The following MECR variants were observed in gnomAD, a reference collection of about 807,000 sequenced individuals.
MECR encodes mitochondrial trans-2-enoyl-CoA reductase, also known as enoyl-[acyl-carrier-protein] reductase, mitochondrial.
Under a neutral mutation model 49.1 loss-of-function variants are expected in MECR, and 37 were observed. The ratio of observed to expected loss-of-function variants is 0.75; its 90% confidence interval spans 0.58 to 0.99. The LOEUF is 0.99. MECR is among the 50% of genes least tolerant of loss of function. The probability of loss-of-function intolerance (pLI) is 0.00; values close to 1 mark genes in which losing one functional copy is unlikely to be tolerated. For synonymous variants in MECR, 198 were observed against 191.1 expected (o/e 1.04, Z -0.30); for missense variants, 470 against 479.6 (o/e 0.98, Z 0.19).
the MECR span, chr1:29,181,628 C>A: frequency 6.4e-6 from 10 of 1,573,118 alleles, no homozygotes; most frequent in Non-Finnish European, 7.8e-6. Flanking sequence ...CGGCCGGACC[C>A]TCTTTCGCCC....
chr1:29,224,922 G>T (rs918503896), intron 1 of MECR: 1 of 152,268 alleles, frequency 6.6e-6, no homozygotes, highest in African/African-American at 2.4e-5. Flanking sequence ...AGAGCTGCTA[G>T]GAGAGGGCAA....
At chr1:29,170,000 C>T in the MECR span, 1 of 152,222 alleles carries the variant, frequency 6.6e-6, no homozygotes, top group Non-Finnish European at 1.5e-5. Context: ...CACTTTTACA[C>T]TGCAAATAGT....
chr1:29,195,980 C>T lies in MECR; in HGVS notation c.925G>A (p.Gly309Ser), dbSNP rs1442205925. Residue 309 changes from glycine to serine, a missense_variant, in exon 9 of 10, where the codon GGC (glycine) becomes AGC (serine). Coordinates refer to ENST00000263702, the MANE Select transcript of MECR (RefSeq NM_016011.5). ...TTCTTCCACTGGGACAACCAAAAGC[C>T]TCGAAGTTTGAGATCCTTAAAAATG... is the stretch of plus-strand genomic sequence containing the variant. ...LLIFKDLKLR[G>S]FWLSQWKKDH... 3.1e-6 allele frequency: 5 copies of T among 1,614,080 alleles called. No homozygotes were observed. In the African/African-American group the frequency reaches 6.7e-5, roughly 22 times the overall value.
rs1215343680 is a variant in MECR, at chr1:29,230,778, G to A, written c.129C>T (p.Val43=). 7.5e-6 allele frequency: 12 copies of A among 1,602,518 alleles called. No homozygotes were observed. Among genetic ancestry groups the A allele is most frequent in the Middle Eastern group, 1.7e-4 (1 of 6,036 alleles). ...CGTGGTGCCCATAGACAAGCGCCCG[G>A]ACCCGGGCAGGCTCGGCGGATGCGG... ...SYSASAEPAR[V]RALVYGHHGD... is the part of the protein sequence containing the mutation. Residue 43 remains valine, a synonymous_variant, in exon 1 of 10, where the codon GTC becomes GTT. Transcript: ENST00000263702.
rs1465594954 is a variant in MECR at position 29,206,881 on chromosome 1, A to G, written c.431T>C (p.Phe144Ser). The change falls in exon 4 of 10, where the codon TTC becomes TCC. Residue 144 changes from phenylalanine (F) to serine (S), a missense_variant. Transcript: ENST00000263702. ...AACTTGGATCAGTGCTTCCTCGCTG[A>G]ACACAGCCTCGGTCCGCCAGGTTCC... ...GLGTWRTEAV[F>S]SEEALIQVPS... 1.9e-6 allele frequency: 3 copies of G among 1,614,018 alleles called. No individual in the cohort carries two copies. In the African/African-American group the frequency reaches 4.0e-5, roughly 22 times the overall value.
At chr1:29,221,944 A>G (rs879682529) in intron 1 of MECR, among the ~76,000 whole-genome samples, 4 of 152,198 alleles carry the variant, frequency 2.6e-5, no homozygotes, top group Admixed American at 2.6e-4. Flanking sequence ...GGTATCACCC[A>G]AATTTAATGG....
chr1:29,217,152 A>G (rs1027645133), intron 1 of MECR, among the ~76,000 whole-genome samples: 22 of 143,258 alleles, frequency 1.5e-4, no homozygotes, highest in African/African-American at 5.0e-4. Context: ...AAAAAAAAAA[A>G]AGAAATCAAC....
chr1:29,218,058 T>A (rs1435034017), intron 1 of MECR, among the ~76,000 whole-genome samples: 1 of 151,588 alleles, frequency 6.6e-6, no homozygotes, highest in Non-Finnish European at 1.5e-5. Flanking sequence ...GGTTTGGACC[T>A]GATCCCCTCT....
intron 4 of MECR, among the ~76,000 whole-genome samples, chr1:29,205,387 T>C (rs1676331730): frequency 6.6e-6 from 1 of 151,530 alleles, no homozygotes; most frequent in African/African-American, 2.4e-5. Flanking sequence ...TTTCACCATG[T>C]TGGCCAGGCT....
At chr1:29,179,659 C>T in the MECR span, among the ~76,000 whole-genome samples, 1 of 152,208 alleles carries the variant, frequency 6.6e-6, no homozygotes, top group Non-Finnish European at 1.5e-5. Flanking sequence ...ATATACTATT[C>T]CCAGAAACCT....
the MECR span, among the ~76,000 whole-genome samples, chr1:29,179,652 T>C: frequency 6.6e-6 from 1 of 152,192 alleles, no homozygotes; most frequent in Non-Finnish European, 1.5e-5. Flanking sequence ...CTACGACATA[T>C]ACTATTCCCA....
At chr1:29,168,066 A>AGCGCAGCG in the MECR span, among the ~76,000 whole-genome samples, 2 of 148,670 alleles carry the variant, frequency 1.3e-5, no homozygotes, top group African/African-American at 5.0e-5. Flanking sequence ...CGCAGGCTGC[A>AGCGCAGCG]GCGCAGCGGC....
chr1:29,224,060 A>G (rs1021926142), intron 1 of MECR: 1 of 152,168 alleles, frequency 6.6e-6, no homozygotes, highest in African/African-American at 2.4e-5. Flanking sequence ...GGAAGTTTCT[A>G]CCCAGTTGGC....
the MECR span, among the ~76,000 whole-genome samples, chr1:29,174,904 C>T: frequency 6.6e-6 from 1 of 150,974 alleles, no homozygotes; most frequent in East Asian, 2.0e-4. Context: ...AATCTCTTGA[C>T]CTTGTGATCT....
At chr1:29,171,112 T>C in the MECR span, 1 of 152,144 alleles carries the variant, frequency 6.6e-6, no homozygotes, top group Non-Finnish European at 1.5e-5. Context: ...GAACATTTAC[T>C]TGTACAAATC....
chr1:29,187,910 G>A (rs1448928189), downstream of MECR, among the ~76,000 whole-genome samples: 16 of 148,576 alleles, frequency 1.1e-4, no homozygotes, highest in Admixed American at 2.0e-4. Flanking sequence ...GGTGGTGGGC[G>A]CCTGTAGTCC....
chr1:29,225,153 C>T (rs917164337), intron 1 of MECR, among the ~76,000 whole-genome samples: 5 of 152,196 alleles, frequency 3.3e-5, no homozygotes, highest in East Asian at 1.9e-4. Context: ...ATGTGGAATC[C>T]GCTTAAGCTT....
chr1:29,183,175 T>G, the MECR span, among the ~76,000 whole-genome samples: 6 of 152,216 alleles, frequency 3.9e-5, no homozygotes, highest in Non-Finnish European at 8.8e-5. Context: ...GGAGGTTAAT[T>G]TACCCTTATA....
At position 29,224,987 on chromosome 1, in the gene MECR, G is replaced by A. The variant is rs987867832; in HGVS notation, c.176+5744C>T. Among the ~76,000 whole-genome samples, 63 of 152,326 alleles carry A rather than the reference G, an allele frequency of 4.1e-4. 1 individual carries two copies. Among genetic ancestry groups the A allele is most frequent in the Non-Finnish European group, 7.9e-4 (54 of 68,026 alleles). On this transcript the variant is annotated intron_variant, in intron 1 of 9. Transcript: ENST00000263702. ...GCTTTCCTCCCGGACTCTCTGGACG[G>A]AGGGAAAACCCCAGTCTTTTGTGTG... is the stretch of plus-strand genomic sequence containing the variant.
Sources: gnomAD v4.1 joint callset for allele counts (sites outside exome capture counted in the v4.1 genomes callset) on GRCh38, gnomAD v4.1.1 for gene constraint, MANE v1.5 for transcripts, NCBI Gene and HGNC (gene_info 2026-07-23, HGNC 2026-07-21) for gene names.